The following VWDE variants were observed in gnomAD, a reference collection of about 807,000 sequenced individuals.
VWDE encodes the protein von Willebrand factor D and EGF domain-containing protein.
VWDE carries 207 observed loss-of-function variants against 178.4 expected under a neutral mutation model. That is an observed-to-expected ratio of 1.16 (90% CI 1.04 to 1.30). The LOEUF (loss-of-function observed/expected upper bound fraction) is 1.30, where lower values mean the gene tolerates loss of function less well. VWDE is among the 50% of genes most tolerant of loss of function. The probability of loss-of-function intolerance (pLI) is 0.00; values close to 1 mark genes in which losing one functional copy is unlikely to be tolerated. For synonymous variants in VWDE, 738 were observed against 651.4 expected (o/e 1.13, Z -2.02); for missense variants, 2,287 against 1,901.3 (o/e 1.20, Z -3.77).
chr7:12,389,131 C>T lies in VWDE; in HGVS notation c.471G>A (p.Ala157=), dbSNP rs1467703163. ...GAATTACTGGTGTTTTCTTACCTTC[C>T]GCACAGTAGCCCATACATCCCTGAG... ...QPTQGCMGYC[A]EAISDARLHP... The change falls in exon 3 of 29, where the codon GCG becomes GCA. Residue 157 remains alanine, a synonymous_variant. Transcript: ENST00000275358. 5.2e-6 allele frequency: 8 copies of T among 1,541,914 alleles called. No homozygotes were observed. Among genetic ancestry groups the T allele is most frequent in the East Asian group, 2.4e-5 (1 of 40,862 alleles).
At chr7:12,385,062 A>C in intron 3 of VWDE, among the ~76,000 whole-genome samples, 1 of 152,230 alleles carries the variant, frequency 6.6e-6, no homozygotes, top group East Asian at 1.9e-4. Context: ...AATATTTCAA[A>C]TATATAAACT....
chr7:12,375,158 C>CTTT lies in VWDE; in HGVS notation c.1093_1094insAAA (p.Cys365delinsTer). On this transcript the variant is annotated stop_gained, in exon 8 of 29. Coordinates refer to ENST00000275358, the MANE Select transcript of VWDE (RefSeq NM_001135924.3). LOFTEE classifies it high-confidence loss of function. ...AGTGTGGCTACAGGTTCCATTAGCA[C>CTTT]AGGAAGATGTCTGGAGAAGGTCCAC... 6.4e-7 allele frequency: 1 copy of CTTT among 1,551,174 alleles called. No homozygotes were observed. The highest frequency in any genetic ancestry group is 8.7e-7 in the Non-Finnish European group (1 of 1,146,638).
At position 12,333,210 on chromosome 7, in the gene VWDE, C is replaced by T. The variant is rs75790036; in HGVS notation, c.4758+255G>A. Among the ~76,000 whole-genome samples the T allele has an allele frequency of 0.01, 1,536 of 152,224 alleles. 37 individuals carry two copies. Among genetic ancestry groups the T allele is most frequent in the African/African-American group, 0.036 (1,479 of 41,536 alleles). On this transcript the variant is annotated intron_variant, in intron 28 of 28. Coordinates refer to ENST00000275358, the MANE Select transcript of VWDE (RefSeq NM_001135924.3). The stretch of plus-strand genomic sequence containing the variant: ...TATTGTGGAACATTTGCTGTCTCAA[C>T]TACAGTGTCATGAAATACTGCGTTA...
rs182274993 is a variant in VWDE, at chr7:12,354,910, T to A, written c.3745+1201A>T. ...TAAAAATTCATGAAAGTTGTTTGTG[T>A]TAGGAAAGTCAGTCCGTCCTTAATC... On this transcript the variant is annotated intron_variant, in intron 18 of 28. Coordinates refer to ENST00000275358, the MANE Select transcript of VWDE (RefSeq NM_001135924.3). Among the ~76,000 whole-genome samples the A allele has an allele frequency of 7.9e-5, 12 of 152,128 alleles. No individual in the cohort carries two copies. The East Asian group carries it at 2.1e-3, about 27-fold the overall frequency.
chr7:12,385,143 G>C (rs949309745), intron 3 of VWDE, among the ~76,000 whole-genome samples: 5 of 150,544 alleles, frequency 3.3e-5, no homozygotes, highest in Non-Finnish European at 5.9e-5. Flanking sequence ...GAAGGCTCTA[G>C]GGATATATAG....
chr7:12,394,848 A>G (rs1453568118), intron 1 of VWDE, among the ~76,000 whole-genome samples: 1 of 152,156 alleles, frequency 6.6e-6, no homozygotes, highest in Non-Finnish European at 1.5e-5. Context: ...ATTATCAAAT[A>G]CTTATTATAT....
intron 16 of VWDE, among the ~76,000 whole-genome samples, chr7:12,358,278 G>A (rs955411826): frequency 6.6e-6 from 1 of 151,806 alleles, no homozygotes; most frequent in African/African-American, 2.4e-5. Context: ...GGAGGCTGAA[G>A]CAGGAGAATT....
rs1781076528 is a variant in VWDE at position 12,337,059 on chromosome 7, T to C, written c.4487A>G (p.Asn1496Ser). The C allele has an allele frequency of 6.4e-7, 1 of 1,551,642 alleles. No individual in the cohort carries two copies. The highest frequency in any genetic ancestry group is 2.4e-5 in the East Asian group (1 of 40,906). The stretch of plus-strand genomic sequence containing the variant: ...GCTTGGTCCCACACATTTTCCTCCA[T>C]TCATGCACGTAGGATCACAGATGCC... Reference protein sequence around the residue: ...QKSICDPTCMNGGKCVGPSTC... With the variant: ...QKSICDPTCMSGGKCVGPSTC... Residue 1496 changes from asparagine to serine, a missense_variant, in exon 26 of 29, where the codon AAT becomes AGT. By Grantham distance (46) the Asn-to-Ser change is conservative. Coordinates refer to ENST00000275358, the MANE Select transcript of VWDE (RefSeq NM_001135924.3).
intron 12 of VWDE, among the ~76,000 whole-genome samples, chr7:12,369,156 A>G (rs1783015182): frequency 6.6e-6 from 1 of 152,122 alleles, no homozygotes; most frequent in African/African-American, 2.4e-5. Flanking sequence ...ACTAAATTTG[A>G]GTTCTGGGAA....
Position 12,395,007 on chromosome 7 carries a change from C to T in VWDE, c.59-1229G>A, listed in dbSNP as rs1411838327. ...CATTATAATTAGAATTATATTTCTG[C>T]TTTTTATTTTGTTTGTAGTTATGGC... is the stretch of plus-strand genomic sequence containing the variant. On this transcript the variant is annotated intron_variant, in intron 1 of 28. Coordinates refer to ENST00000275358, the MANE Select transcript of VWDE (RefSeq NM_001135924.3). Among the ~76,000 whole-genome samples, 3 of 152,020 alleles carry T rather than the reference C, an allele frequency of 2.0e-5. No homozygotes were observed. The South Asian group carries it at 6.2e-4, about 32-fold the overall frequency.
chr7:12,367,970 T>C (rs1178006195), intron 12 of VWDE, among the ~76,000 whole-genome samples: 2 of 151,970 alleles, frequency 1.3e-5, no homozygotes, highest in South Asian at 4.1e-4. Context: ...GTGTAAAAAT[T>C]ATTAAACCCC....
chr7:12,380,449 A>G (rs1338541351), intron 5 of VWDE, 37 bp downstream of exon 5: 20 of 1,534,738 alleles, frequency 1.3e-5, no homozygotes, highest in South Asian at 2.4e-5. Context: ...AAATCAATAC[A>G]TTCATGAAAA....
chr7:12,394,974 A>T (rs989271433), intron 1 of VWDE, among the ~76,000 whole-genome samples: 1 of 152,184 alleles, frequency 6.6e-6, no homozygotes, highest in Admixed American at 6.5e-5. Flanking sequence ...AGCCTACGAA[A>T]AATAAGTCAT....
chr7:12,379,546 G>C lies in VWDE; in HGVS notation c.810C>G (p.Val270=). 1.3e-6 allele frequency: 2 copies of C among 1,549,226 alleles called. No individual in the cohort carries two copies. The highest frequency in any genetic ancestry group is 1.7e-6 in the Non-Finnish European group (2 of 1,145,982). Residue 270 remains valine, a synonymous_variant, in exon 6 of 29, where the codon GTC becomes GTG. Transcript: ENST00000275358. ...LGDRIFCSAS[V]FFLENPHVQS... Reference sequence around the variant, plus strand: ...GTACATGAGGATTCTCCAAGAAAAAGACAGAAGCGCTGCAGAATATCTATG... The same window carrying C: ...GTACATGAGGATTCTCCAAGAAAAACACAGAAGCGCTGCAGAATATCTATG...
chr7:12,376,488 T>C (rs1414794631), intron 7 of VWDE, among the ~76,000 whole-genome samples: 1 of 152,144 alleles, frequency 6.6e-6, no homozygotes. Context: ...ATTATTATAT[T>C]ATTTTAGCAA....
chr7:12,366,098 C>T (rs1583310350), intron 13 of VWDE, among the ~76,000 whole-genome samples: 3 of 152,176 alleles, frequency 2.0e-5, no homozygotes, highest in Admixed American at 6.5e-5. Flanking sequence ...AAGGTGCCTC[C>T]GTCTGCCTTC....
chr7:12,340,476 C>G, intron 23 of VWDE, 59 bp from the exon 24 acceptor site: 1 of 1,333,136 alleles, frequency 7.5e-7, no homozygotes, highest in African/African-American at 1.5e-5. Context: ...AAAATGAAAG[C>G]TGCACAGAAG....
At position 12,380,739 on chromosome 7, in the gene VWDE, G is replaced by T. The variant is rs1425263216; in HGVS notation, c.542-6C>A. 6.4e-7 allele frequency: 1 copy of T among 1,550,874 alleles called. No homozygotes were observed. Among genetic ancestry groups the T allele is most frequent in the South Asian group, 1.2e-5 (1 of 83,992 alleles). On this transcript the variant is annotated splice_polypyrimidine_tract_variant and splice_region_variant and intron_variant, in intron 4 of 28. Coordinates refer to ENST00000275358, the MANE Select transcript of VWDE (RefSeq NM_001135924.3). Reference sequence around the variant, plus strand: ...CAATGAGGCAGCCAGCTGACCTGGGGAGAAAATGCATAATTTGTAACTGGG... The same window carrying T: ...CAATGAGGCAGCCAGCTGACCTGGGTAGAAAATGCATAATTTGTAACTGGG...
chr7:12,340,041 A>T (rs1781242768), intron 24 of VWDE, among the ~76,000 whole-genome samples: 1 of 152,212 alleles, frequency 6.6e-6, no homozygotes, highest in South Asian at 2.1e-4. Context: ...ACAGACTACA[A>T]GAGAACTTTG....
Sources: gnomAD v4.1 joint callset for allele counts (sites outside exome capture counted in the v4.1 genomes callset) on GRCh38, gnomAD v4.1.1 for gene constraint, MANE v1.5 for transcripts, NCBI Gene and HGNC (gene_info 2026-07-23, HGNC 2026-07-21) for gene names.